Variants in DHTKD1 observed in about 807,000 individuals in gnomAD.
DHTKD1 encodes the protein dehydrogenase E1 and transketolase domain containing 1.
DHTKD1 carries 78 observed loss-of-function variants against 101.8 expected under a neutral mutation model. That is an observed-to-expected ratio of 0.77 (90% CI 0.64 to 0.93). DHTKD1 has a LOEUF of 0.93. Ranked by LOEUF, DHTKD1 falls within the 40% of genes least tolerant of loss-of-function variation. The pLI is 0.00. For missense variants in DHTKD1, 1,223 were observed against 1,161.7 expected (o/e 1.05, Z -0.77); for synonymous variants, 462 against 450.3 (o/e 1.03, Z -0.33).
intron 1 of DHTKD1, among the ~76,000 whole-genome samples, chr10:12,073,676 G>C (rs1408587182): frequency 6.6e-6 from 1 of 152,100 alleles, no homozygotes; most frequent in Non-Finnish European, 1.5e-5. Context: ...TCAAAATCTG[G>C]AAAAGCTCAG....
intron 5 of DHTKD1, among the ~76,000 whole-genome samples, chr10:12,089,675 A>G (rs1001850709): frequency 1.3e-5 from 2 of 150,592 alleles, no homozygotes; most frequent in African/African-American, 4.9e-5. Context: ...TTTCTTTTTT[A>G]TGGCTTTTTT....
At chr10:12,088,644 C>T (rs1322320783) in intron 4 of DHTKD1, among the ~76,000 whole-genome samples, 2 of 151,934 alleles carry the variant, frequency 1.3e-5, no homozygotes, top group African/African-American at 4.8e-5. Context: ...AGTGCAGTGG[C>T]GTGATCTCGG....
At position 12,120,205 on chromosome 10, in the gene DHTKD1, C is replaced by T; in HGVS notation, c.2596C>T (p.Pro866Ser). 1 of 1,613,948 alleles carries T rather than the reference C, an allele frequency of 6.2e-7. No individual in the cohort carries two copies. Among genetic ancestry groups the T allele is most frequent in the South Asian group, 1.1e-5 (1 of 91,076 alleles). The change falls in exon 16 of 17, where the codon CCT becomes TCT. Residue 866 changes from proline to serine, a missense_variant. Pro to Ser is a moderately conservative substitution (Grantham distance 74). Coordinates refer to ENST00000263035, the MANE Select transcript of DHTKD1 (RefSeq NM_018706.7). Reference sequence around the variant, plus strand: ...AGATCATATTTGGAGTCAGGAGGAACCTCAGAACATGGGTCCGTGGTCGTT... The same window carrying T: ...AGATCATATTTGGAGTCAGGAGGAATCTCAGAACATGGGTCCGTGGTCGTT... ...VKDHIWSQEE[P>S]QNMGPWSFVS...
chr10:12,118,671 T>C (rs373353842), intron 14 of DHTKD1, 78 bp from the exon 15 acceptor site: 137 of 1,269,170 alleles, frequency 1.1e-4, no homozygotes, highest in South Asian at 2.7e-4. Context: ...CGTGAGCTAC[T>C]GCACCTGGCC....
At chr10:12,073,522 T>C (rs1264507421) in intron 1 of DHTKD1, among the ~76,000 whole-genome samples, 2 of 152,116 alleles carry the variant, frequency 1.3e-5, no homozygotes, top group African/African-American at 4.8e-5. Context: ...AATTTTTGTA[T>C]TTTTAGTAGA....
intron 1 of DHTKD1, among the ~76,000 whole-genome samples, chr10:12,076,783 C>T (rs1390778525): frequency 6.6e-6 from 1 of 151,646 alleles, no homozygotes; most frequent in African/African-American, 2.4e-5. Context: ...CTCAGCCTCC[C>T]GAGTAGCTGG....
At position 12,106,376 on chromosome 10, in the gene DHTKD1, T is replaced by C. The variant is rs1193531557; in HGVS notation, c.2027T>C (p.Phe676Ser). The C allele has an allele frequency of 1.2e-6, 2 of 1,614,238 alleles. No homozygotes were observed. The highest frequency in any genetic ancestry group is 1.7e-6 in the Non-Finnish European group (2 of 1,180,052). ...TTCTTCAATGGTGCCCAGATCATCT[T>C]TGACACATTCATCTCTGGAGGTTGG... ...GDFFNGAQII[F>S]DTFISGGEAK... Residue 676 changes from phenylalanine to serine, a missense_variant, in exon 11 of 17, where the codon TTT becomes TCT. Phe to Ser is a radical substitution (Grantham distance 155). Transcript: ENST00000263035.
chr10:12,106,993 T>C lies in DHTKD1; in HGVS notation c.2047+597T>C, dbSNP rs148188710. Among the ~76,000 whole-genome samples the C allele has an allele frequency of 9.8e-4, 148 of 151,472 alleles. 2 individuals carry two copies. The East Asian group carries it at 0.025, about 25-fold the overall frequency. ...TGCCCATTCTTTTTCTTTTCTTTTT[T>C]TTTTTTTTTGAGACGGAGTCTCGCT... On this transcript the variant is annotated intron_variant, in intron 11 of 16. Coordinates refer to ENST00000263035, the MANE Select transcript of DHTKD1 (RefSeq NM_018706.7).
At chr10:12,118,646 T>A (rs1335334007) in intron 14 of DHTKD1, 103 bp from the exon 15 acceptor site, 46 of 892,600 alleles carry the variant, frequency 5.2e-5, no homozygotes, top group Non-Finnish European at 7.0e-5. Flanking sequence ...CCTCCCAAAG[T>A]GCTGAGATTA....
chr10:12,090,443 C>CTT (rs10676473), intron 5 of DHTKD1, among the ~76,000 whole-genome samples: 6 of 99,586 alleles, frequency 6.0e-5, no homozygotes, highest in Non-Finnish European at 1.1e-4. Context: ...TTCCTTCCTT[C>CTT]CTTCCTTCCT....
chr10:12,089,142 G>C lies in DHTKD1; in HGVS notation c.874G>C (p.Ala292Pro), dbSNP rs1832949510. 2 of 1,614,134 alleles carry C rather than the reference G, an allele frequency of 1.2e-6. No individual in the cohort carries two copies. Among genetic ancestry groups the C allele is most frequent in the East Asian group, 4.5e-5 (2 of 44,882 alleles). The part of the protein sequence containing the change: ...TMLPNPSHLE[A>P]VNPVAVGKTR... ...GTTGCCCAATCCCTCGCACCTGGAG[G>C]CCGTCAACCCCGTGGCCGTGGGCAA... The change falls in exon 5 of 17, where the codon GCC (alanine) becomes CCC (proline). Residue 292 changes from alanine to proline, a missense_variant. Transcript: ENST00000263035.
At chr10:12,082,529 A>T (rs2131353041) in intron 2 of DHTKD1, among the ~76,000 whole-genome samples, 1 of 152,188 alleles carries the variant, frequency 6.6e-6, no homozygotes, top group Admixed American at 6.6e-5. Flanking sequence ...ACGTAATGGC[A>T]TTTAAACCCT....
intron 1 of DHTKD1, 118 bp downstream of exon 1, chr10:12,069,305 GT>G: frequency 3.8e-6 from 3 of 797,884 alleles, no homozygotes; most frequent in Non-Finnish European, 3.7e-6. Context: ...CGCGCGGCCG[GT>G]GGGGAGGAGG....
chr10:12,081,416 G>A, intron 1 of DHTKD1, 56 bp from the exon 2 acceptor site: 1 of 1,452,970 alleles, frequency 6.9e-7, no homozygotes, highest in East Asian at 2.3e-5. Context: ...TCTGATTTTT[G>A]TGATTTGTAG....
chr10:12,079,065 C>A (rs754695656), intron 1 of DHTKD1, among the ~76,000 whole-genome samples: 15 of 152,072 alleles, frequency 9.9e-5, no homozygotes, highest in Non-Finnish European at 1.5e-4. Context: ...TGGCCTTGGG[C>A]AGAGCTGGGG....
intron 1 of DHTKD1, 47 bp from the exon 2 acceptor site, chr10:12,081,425 A>G: frequency 1.3e-6 from 2 of 1,523,202 alleles, no homozygotes; most frequent in Non-Finnish European, 1.8e-6. Context: ...TGTGATTTGT[A>G]GTCATCTCCT....
Position 12,097,841 on chromosome 10 carries a change from C to G in DHTKD1, c.1516C>G (p.Gln506Glu). Residue 506 changes from glutamine to glutamate, a missense_variant, in exon 8 of 17, where the codon CAG becomes GAG. Transcript: ENST00000263035. ...CTACAGGCCCCCTGCCCTGAACCTGCAGGCCCACTGGCAGGGCCTGGCTCA... is the reference window on the plus strand; with the variant it reads ...CTACAGGCCCCCTGCCCTGAACCTGGAGGCCCACTGGCAGGGCCTGGCTCA... Reference protein sequence around the residue: ...AHYRPPALNLQAHWQGLAQPE... With the variant: ...AHYRPPALNLEAHWQGLAQPE... 1 of 1,614,238 alleles carries G rather than the reference C, an allele frequency of 6.2e-7. No individual in the cohort carries two copies. The highest frequency in any genetic ancestry group is 8.5e-7 in the Non-Finnish European group (1 of 1,180,048).
At chr10:12,070,483 G>C (rs188470817) in intron 1 of DHTKD1, among the ~76,000 whole-genome samples, 1 of 152,134 alleles carries the variant, frequency 6.6e-6, no homozygotes, top group East Asian at 1.9e-4. Flanking sequence ...TCATATCTCT[G>C]TCTCTCTCTC....
chr10:12,113,128 A>G (rs1470011857), intron 13 of DHTKD1, 64 bp downstream of exon 13: 28 of 1,333,430 alleles, frequency 2.1e-5, no homozygotes, highest in Non-Finnish European at 2.5e-5. Flanking sequence ...ATTTTTCCCT[A>G]TTTTCCATAT....
Sources: allele counts gnomAD v4.1 joint callset (sites outside exome capture counted in the v4.1 genomes callset), GRCh38; gene constraint gnomAD v4.1.1; transcripts MANE v1.5; gene names NCBI Gene and HGNC (gene_info 2026-07-23, HGNC 2026-07-21).